EVC: variants seen among roughly 807,000 people sequenced by gnomAD.
EVC encodes the protein evC complex member EVC.
A neutral mutation model predicts 118.9 loss-of-function variants in EVC; 116 were observed. The ratio of observed to expected loss-of-function variants is 0.98; its 90% CI spans 0.84 to 1.14. The LOEUF (loss-of-function observed/expected upper bound fraction) is 1.14. Among genes scored for constraint, EVC ranks in the 50% most tolerant of loss-of-function variants. EVC has a pLI of 0.00. For missense variants in EVC, 1,401 were observed against 1,246.4 expected (o/e 1.12, Z -1.87); for synonymous variants, 619 against 534.7 (o/e 1.16, Z -2.18).
At chr4:5,828,104 G>GT in the EVC span, 2 of 985,432 alleles carry the variant, frequency 2.0e-6, no homozygotes, top group Non-Finnish European at 2.4e-6. Flanking sequence ...TTTCTGAGCC[G>GT]TGACTCTGGC....
chr4:5,824,668 T>C, the EVC span: 21 of 962,764 alleles, frequency 2.2e-5, no homozygotes, highest in South Asian at 1.4e-4. Context: ...ATCCTAGATG[T>C]TGACATCCTA....
At position 5,745,273 on chromosome 4, in the gene EVC, T is replaced by C. The variant is rs752110410; in HGVS notation, c.871T>C (p.Ser291Pro). The C allele has an allele frequency of 6.2e-7, 1 of 1,614,028 alleles. No homozygotes were observed. Among genetic ancestry groups the C allele is most frequent in the South Asian group, 1.1e-5 (1 of 91,084 alleles). Reference sequence around the variant, plus strand: ...CACAGAAATGTCGGGGGCTGGTGACTCTGAGTACATCACCCTGGCTGATGT... The same window carrying C: ...CACAGAAATGTCGGGGGCTGGTGACCCTGAGTACATCACCCTGGCTGATGT... ...SNTEMSGAGD[S>P]EYITLADVEK... The change falls in exon 7 of 21, where the codon TCT becomes CCT. Residue 291 changes from serine to proline, a missense_variant. Ser to Pro is a moderately conservative substitution (Grantham distance 74, BLOSUM62 -1). Transcript: ENST00000264956.
At chr4:5,784,457 A>C (rs552755207) in intron 12 of EVC, among the ~76,000 whole-genome samples, 1 of 152,178 alleles carries the variant, frequency 6.6e-6, no homozygotes, top group Non-Finnish European at 1.5e-5. Flanking sequence ...AAAAGAGCAC[A>C]GCCCTGCTGA....
At chr4:5,757,952 C>G in intron 11 of EVC, 2 of 622,232 alleles carry the variant, frequency 3.2e-6, no homozygotes, top group Non-Finnish European at 5.7e-6. Context: ...TCATGTCCAT[C>G]TGGAACCTCG....
chr4:5,801,412 C>T (rs894921947), intron 15 of EVC, among the ~76,000 whole-genome samples: 3 of 152,100 alleles, frequency 2.0e-5, no homozygotes, highest in Non-Finnish European at 4.4e-5. Context: ...GGCGTGGTGG[C>T]TCATGCCTGT....
chr4:5,747,798 A>G (rs554339925), intron 7 of EVC, among the ~76,000 whole-genome samples: 1 of 152,242 alleles, frequency 6.6e-6, no homozygotes, highest in Non-Finnish European at 1.5e-5. Flanking sequence ...TAAAATTGCC[A>G]AAGCTTCCAT....
At chr4:5,821,850 A>C in the EVC span, 1 of 1,578,770 alleles carries the variant, frequency 6.3e-7, no homozygotes, top group Non-Finnish European at 8.6e-7. The surrounding 1 kb of genome is among the most constrained non-coding windows in gnomAD (Gnocchi z 4.4). Flanking sequence ...CTATCTGGGC[A>C]CCTGAAAGAG....
intron 11 of EVC, among the ~76,000 whole-genome samples, chr4:5,758,771 C>A (rs545846286): frequency 6.6e-6 from 1 of 152,340 alleles, no homozygotes; most frequent in South Asian, 2.1e-4. Context: ...TGCTGATGTG[C>A]TCACCCCAAC....
chr4:5,809,051 C>T (rs111881450), intron 18 of EVC, among the ~76,000 whole-genome samples: 12 of 152,212 alleles, frequency 7.9e-5, no homozygotes, highest in Middle Eastern at 3.2e-3. Context: ...AAAGAGGTTA[C>T]TGCTACTGTC....
At chr4:5,797,264 A>G in intron 14 of EVC, 32 bp downstream of exon 14, 1 of 1,545,456 alleles carries the variant, frequency 6.5e-7, no homozygotes, top group Non-Finnish European at 8.8e-7. Flanking sequence ...CACCCATTCC[A>G]GACAGGCGGT....
At chr4:5,802,152 T>C (rs1365818103) in intron 16 of EVC, 58 bp downstream of exon 16, 20 of 1,603,956 alleles carry the variant, frequency 1.2e-5, no homozygotes, top group East Asian at 2.2e-5. Context: ...TGCTTTTAGT[T>C]TGGGGCAGAA....
chr4:5,786,811 G>A (rs1018169303), intron 12 of EVC, among the ~76,000 whole-genome samples: 2 of 150,060 alleles, frequency 1.3e-5, no homozygotes, highest in Admixed American at 6.7e-5. Flanking sequence ...GGCAGAGCTT[G>A]CAGTGAGCCG....
In EVC at chr4:5,789,317, C is replaced by G. The variant is rs1712320354; in HGVS notation, c.1777-4291C>G. 6.6e-6 allele frequency among the ~76,000 whole-genome samples: 1 copy of G among 152,172 alleles called. No homozygotes were observed. Among genetic ancestry groups the G allele is most frequent in the African/African-American group, 2.4e-5 (1 of 41,444 alleles). ...CCGCAACTGCATGCTGCCCCCAGCC[C>G]CAGTGGTTCCTTGCACTCCTCTGGC... On this transcript the variant is annotated intron_variant, in intron 12 of 20. Transcript: ENST00000264956. The surrounding 1 kb of genome is among the most constrained non-coding windows in gnomAD (Gnocchi z 4.3).
chr4:5,776,375 T>C (rs1734723513), intron 11 of EVC, among the ~76,000 whole-genome samples: 1 of 152,172 alleles, frequency 6.6e-6, no homozygotes, highest in African/African-American at 2.4e-5. Context: ...TGCTGGCCGT[T>C]CATTTATTCA....
Position 5,733,329 on chromosome 4 carries a change from C to T in EVC, c.618-22C>T, listed in dbSNP as rs2291156. ...TTTCCGATACCCTGAAAGTCTTTTC[C>T]GCTTCTCATTTTATTTTGCAGTGTA... On this transcript the variant is annotated intron_variant, in intron 4 of 20. Transcript: ENST00000264956. The T allele has an allele frequency of 1.2e-3, 2,003 of 1,603,294 alleles. 57 individuals carry two copies. In the East Asian group the frequency reaches 0.038, roughly 30 times the overall value.
intron 8 of EVC, among the ~76,000 whole-genome samples, chr4:5,751,112 C>T (rs1031091665): frequency 6.6e-6 from 1 of 152,216 alleles, no homozygotes; most frequent in Non-Finnish European, 1.5e-5. Context: ...AAACAGCTGA[C>T]ACTCAGGGAG....
the EVC span, among the ~76,000 whole-genome samples, chr4:5,828,970 CT>C: frequency 6.6e-6 from 1 of 152,072 alleles, no homozygotes; most frequent in Non-Finnish European, 1.5e-5. Flanking sequence ...TTTGACTGTA[CT>C]GGACATAAAA....
intron 17 of EVC, among the ~76,000 whole-genome samples, chr4:5,807,278 G>A (rs1424744922): frequency 6.6e-6 from 1 of 152,160 alleles, no homozygotes; most frequent in East Asian, 1.9e-4. Flanking sequence ...AGTGAGAGGT[G>A]GAGGGATGGA....
In EVC at chr4:5,711,812, C is replaced by G. The variant is rs542986579; in HGVS notation, c.174+258C>G. On this transcript the variant is annotated intron_variant, in intron 1 of 20. Coordinates refer to ENST00000264956, the MANE Select transcript of EVC (RefSeq NM_153717.3). The stretch of plus-strand genomic sequence containing the variant: ...ATCCTTGACAGCAGCCCAACTGCGC[C>G]ACGCCTCGGTCTCCTCATCTGCAGC... Among the ~76,000 whole-genome samples, 296 of 152,328 alleles carry G rather than the reference C, an allele frequency of 1.9e-3. 1 individual carries two copies. Among genetic ancestry groups the G allele is most frequent in the Non-Finnish European group, 3.2e-3 (215 of 68,022 alleles).
Sources: gnomAD v4.1 joint callset for allele counts (sites outside exome capture counted in the v4.1 genomes callset) on GRCh38, gnomAD v4.1.1 for gene constraint, Gnocchi (gnomAD v3.1) non-coding constraint, MANE v1.5 for transcripts, NCBI Gene and HGNC (gene_info 2026-07-23, HGNC 2026-07-21) for gene names.